The following GEMIN6 variants were observed in gnomAD, a reference collection of about 807,000 sequenced individuals.
GEMIN6 encodes the protein gem-associated protein 6.
Under a neutral mutation model 14.1 loss-of-function variants are expected in GEMIN6, and 13 were observed. The observed-to-expected ratio is 0.92, with a 90% CI of 0.60 to 1.46. The LOEUF (loss-of-function observed/expected upper bound fraction) is 1.46, where lower values mean the gene tolerates loss of function less well. Ranked by LOEUF, GEMIN6 falls within the 40% of genes most tolerant of loss-of-function variation. GEMIN6 has a pLI of 0.00. For synonymous variants in GEMIN6, 87 were observed against 70.0 expected, an observed-to-expected ratio of 1.24 and a Z score of -1.21; for missense variants, 271 against 202.4, an observed-to-expected ratio of 1.34 and a Z score of -2.06.
chr2:38,779,670 T>A (rs1183223588), intron 2 of GEMIN6, among the ~76,000 whole-genome samples: 504 of 66,292 alleles, frequency 7.6e-3, no homozygotes, highest in African/African-American at 0.013. Flanking sequence ...ATATATTTTT[T>A]TTTTTTTTTT....
At chr2:38,780,975 TTC>T (rs200892862) in intron 2 of GEMIN6, among the ~76,000 whole-genome samples, 145 of 139,086 alleles carry the variant, frequency 1.0e-3, no homozygotes, top group East Asian at 1.5e-3. Context: ...CCCTGCCTTC[TTC>T]TTTTTTTTTT....
chr2:38,778,931 T>A, intron 1 of GEMIN6, 41 bp from the exon 2 acceptor site: 2 of 1,534,908 alleles, frequency 1.3e-6, no homozygotes, highest in Admixed American at 4.1e-5. Flanking sequence ...GACATTTGCT[T>A]ACGTGGAACA....
rs75405070 is a variant in GEMIN6 at position 38,783,923 on chromosome 2, C to T, written c.*2031C>T. 6.6e-6 allele frequency: 1 copy of T among 152,142 alleles called. No individual in the cohort carries two copies. Among genetic ancestry groups the T allele is most frequent in the Non-Finnish European group, 1.5e-5 (1 of 68,046 alleles). The allele number at this position is 152,142 out of a possible 1,614,324, so 9.4% of individuals were successfully genotyped here. A position where few individuals can be genotyped will look rare whatever the true frequency, so the allele number is the denominator to read the frequency against. ...GCTTTTCAAAACAGATTGCTGGACC[C>T]TCCTCCCAACAGATTCTGATTCAGT... On this transcript the variant is annotated 3_prime_UTR_variant, in exon 3 of 3. Transcript: ENST00000281950.
rs745516216 is a variant in GEMIN6, at chr2:38,779,044, A to G, written c.54A>G (p.Lys18=). Residue 18 remains lysine, a synonymous_variant, in exon 2 of 3, where the codon AAA becomes AAG. Transcript: ENST00000281950. ...GPLEWQDYIY[K]EVRVTASEKN... Reference sequence around the variant, plus strand: ...TAGAATGGCAAGATTACATTTACAAAGAGGTCCGAGTGACAGCCAGTGAGA... The same window carrying G: ...TAGAATGGCAAGATTACATTTACAAGGAGGTCCGAGTGACAGCCAGTGAGA... 1 of 1,613,904 alleles carries G rather than the reference A, an allele frequency of 6.2e-7. No individual in the cohort carries two copies.
Position 38,782,284 on chromosome 2 carries a change from C to A in GEMIN6, c.*392C>A. Reference sequence around the variant, plus strand: ...TCAGCCTCTCGAGTAGCTGGGACTACAGGTGCACGCCACCACTCCCAGCTA... The same window carrying A: ...TCAGCCTCTCGAGTAGCTGGGACTAAAGGTGCACGCCACCACTCCCAGCTA... On this transcript the variant is annotated 3_prime_UTR_variant, in exon 3 of 3. Coordinates refer to ENST00000281950, the MANE Select transcript of GEMIN6 (RefSeq NM_024775.10). 6.2e-6 allele frequency: 1 copy of A among 162,420 alleles called. No individual in the cohort carries two copies. Among genetic ancestry groups the A allele is most frequent in the Non-Finnish European group, 1.3e-5 (1 of 75,068 alleles). The allele number at this position is 162,420 out of a possible 1,614,324, so 10.1% of individuals were successfully genotyped here. A position where few individuals can be genotyped will look rare whatever the true frequency, so the allele number is the denominator to read the frequency against.
chr2:38,781,372 A>G (rs972291023), intron 2 of GEMIN6, 145 bp from the exon 3 acceptor site: 3 of 872,860 alleles, frequency 3.4e-6, no homozygotes, highest in Admixed American at 2.4e-5. Flanking sequence ...AAGTTTACCT[A>G]TTTAGGATCC....
At chr2:38,781,305 A>G (rs997119450) in intron 2 of GEMIN6, among the ~76,000 whole-genome samples, 1 of 152,162 alleles carries the variant, frequency 6.6e-6, no homozygotes, top group African/African-American at 2.4e-5. Flanking sequence ...TAAGGCATTC[A>G]TAACTTGTTT....
At chr2:38,781,399 G>A in intron 2 of GEMIN6, 118 bp from the exon 3 acceptor site, 1 of 1,057,118 alleles carries the variant, frequency 9.5e-7, no homozygotes, top group Non-Finnish European at 1.4e-6. Context: ...AATGTTTGTT[G>A]AATAAATGGA....
chr2:38,779,649 TATATATATATA>T (rs1558337867), intron 2 of GEMIN6, among the ~76,000 whole-genome samples: 8 of 30,942 alleles, frequency 2.6e-4, no homozygotes, highest in African/African-American at 5.8e-4. Context: ...TATATATATA[TATATATATATA>T]TATATTTTTT....
At position 38,781,975 on chromosome 2, in the gene GEMIN6, C is replaced by A; in HGVS notation, c.*83C>A. ...ATGTTTTAAATGTAAATGTACATGACTGTGTGTGTGTATGTGTGTGTGTGT... is the reference window on the plus strand; with the variant it reads ...ATGTTTTAAATGTAAATGTACATGAATGTGTGTGTGTATGTGTGTGTGTGT... On this transcript the variant is annotated 3_prime_UTR_variant, in exon 3 of 3. Transcript: ENST00000281950. The A allele has an allele frequency of 7.5e-7, 1 of 1,325,542 alleles. No homozygotes were observed. The highest frequency in any genetic ancestry group is 1.0e-6 in the Non-Finnish European group (1 of 962,208). 82.1% of individuals were successfully genotyped at this position (1,325,542 alleles called of 1,614,324 possible).
At chr2:38,781,379 A>G (rs1392646311) in intron 2 of GEMIN6, 138 bp from the exon 3 acceptor site, 13 of 905,116 alleles carry the variant, frequency 1.4e-5, no homozygotes, top group Non-Finnish European at 2.0e-5. Context: ...CCTATTTAGG[A>G]TCCTTAGTGA....
At position 38,784,044 on chromosome 2, in the gene GEMIN6, C is replaced by T. The variant is rs947437614; in HGVS notation, c.*2152C>T. 6.6e-6 allele frequency: 1 copy of T among 152,204 alleles called. No individual in the cohort carries two copies. The highest frequency in any genetic ancestry group is 1.9e-4 in the East Asian group (1 of 5,200). 9.4% of individuals were successfully genotyped at this position (152,204 alleles called of 1,614,324 possible). A position where few individuals can be genotyped will look rare whatever the true frequency, so the allele number is the denominator to read the frequency against. ...CACACTTGCAGAAGCAGTTCAGAAA[C>T]TTCAGGGGAACAGAAAGTTCCTCCC... On this transcript the variant is annotated 3_prime_UTR_variant, in exon 3 of 3. Transcript: ENST00000281950.
chr2:38,780,748 C>T (rs1415566274), intron 2 of GEMIN6, among the ~76,000 whole-genome samples: 1 of 151,770 alleles, frequency 6.6e-6, no homozygotes, highest in East Asian at 1.9e-4. Flanking sequence ...CCTGCCTCAG[C>T]CTCCTAAGTA....
In GEMIN6 at chr2:38,781,672, GC is replaced by G. The variant is rs1236175011; in HGVS notation, c.287del (p.Pro96GlnfsTer11). 2 of 1,614,170 alleles carry G rather than the reference GC, an allele frequency of 1.2e-6. No individual in the cohort carries two copies. The highest frequency in any genetic ancestry group is 1.7e-6 in the Non-Finnish European group (2 of 1,180,016). ...ACGTCTGGAGACTGCAAAGCATACA[GC>G]CCAGAGGATCTGGAAGAGAGAAAGA... is the stretch of plus-strand genomic sequence containing the variant. The part of the protein sequence containing the change: ...LFTSGDCKAY[S>X]PEDLEERKNS... On this transcript the variant is annotated frameshift_variant, in exon 3 of 3. Transcript: ENST00000281950. LOFTEE classifies it high-confidence loss of function.
Position 38,778,956 on chromosome 2 carries a change from C to T in GEMIN6, c.-19-16C>T. The T allele has an allele frequency of 1.3e-6, 2 of 1,598,850 alleles. No individual in the cohort carries two copies. The highest frequency in any genetic ancestry group is 1.7e-6 in the Non-Finnish European group (2 of 1,172,356). Reference sequence around the variant, plus strand: ...TACGTGGAACATATATTAACCAGCACTGGTGGTTGTTTCAGATTTAGCCAG... The same window carrying T: ...TACGTGGAACATATATTAACCAGCATTGGTGGTTGTTTCAGATTTAGCCAG... On this transcript the variant is annotated splice_polypyrimidine_tract_variant and intron_variant, in intron 1 of 2. Transcript: ENST00000281950.
intron 2 of GEMIN6, 121 bp downstream of exon 2, chr2:38,779,239 TTTTG>T (rs765694113): frequency 4.0e-5 from 45 of 1,124,290 alleles, no homozygotes; most frequent in Non-Finnish European, 5.4e-5. Context: ...TATAAGAATT[TTTTG>T]TTTGTTTGAG....
rs1462467974 is a variant in GEMIN6 at position 38,781,703 on chromosome 2, C to G, written c.315C>G (p.Ser105Arg). The change falls in exon 3 of 3, where the codon AGC (serine) becomes AGG (arginine). Residue 105 changes from serine (S) to arginine (R), a missense_variant. By Grantham distance (110) the Ser-to-Arg change is moderately radical. Transcript: ENST00000281950. ...AGGATCTGGAAGAGAGAAAGAACAG[C>G]CTAAAGAAATGGCTTGAGAAGAACC... ...SPEDLEERKN[S>R]LKKWLEKNHI... 6.2e-7 allele frequency: 1 copy of G among 1,614,122 alleles called. No homozygotes were observed.
intron 2 of GEMIN6, among the ~76,000 whole-genome samples, chr2:38,779,666 T>TATA (rs1240100507): frequency 6.3e-4 from 32 of 50,826 alleles, no homozygotes; most frequent in African/African-American, 1.5e-3. Context: ...ATATATATAT[T>TATA]TTTTTTTTTT....
chr2:38,779,243 G>A (rs1186870490), intron 2 of GEMIN6, 125 bp downstream of exon 2: 3 of 1,066,746 alleles, frequency 2.8e-6, no homozygotes, highest in Non-Finnish European at 4.0e-6. Context: ...AGAATTTTTT[G>A]TTTGTTTGAG....
Sources: gnomAD v4.1 joint callset for allele counts (sites outside exome capture counted in the v4.1 genomes callset) on GRCh38, gnomAD v4.1.1 for gene constraint, MANE v1.5 for transcripts, NCBI Gene and HGNC (gene_info 2026-07-23, HGNC 2026-07-21) for gene names.